GRK4: variants seen among roughly 807,000 people sequenced by gnomAD.
GRK4 encodes the protein G protein-coupled receptor kinase 4, also known as G protein-coupled receptor kinase 2-like.
A neutral mutation model predicts 77.9 loss-of-function variants in GRK4; 73 were observed. The observed-to-expected ratio is 0.94, with a 90% CI of 0.78 to 1.14. GRK4 has a LOEUF of 1.14. GRK4 is among the 50% of genes most tolerant of loss of function. The pLI, the probability that GRK4 is intolerant of heterozygous loss-of-function variation, is 0.00. For missense variants in GRK4, 729 were observed against 700.2 expected (o/e 1.04, Z -0.46); for synonymous variants, 257 against 254.4 (o/e 1.01, Z -0.10).
At chr4:2,964,475 C>A (rs1276850493) in intron 1 of GRK4, among the ~76,000 whole-genome samples, 1 of 152,130 alleles carries the variant, frequency 6.6e-6, no homozygotes, top group Non-Finnish European at 1.5e-5. Flanking sequence ...TGTTGGACAA[C>A]CTGTCCCACC....
At chr4:3,030,100 C>T (rs1407419200) in intron 12 of GRK4, among the ~76,000 whole-genome samples, 2 of 152,178 alleles carry the variant, frequency 1.3e-5, no homozygotes, top group Non-Finnish European at 2.9e-5. Flanking sequence ...AAGGGTTTAG[C>T]CACCTGCCAG....
At chr4:3,033,727 C>T (rs183923585) in intron 12 of GRK4, among the ~76,000 whole-genome samples, 43 of 152,262 alleles carry the variant, frequency 2.8e-4, no homozygotes, top group African/African-American at 1.0e-3. Context: ...GCTGGGACTA[C>T]AGGCATCTGC....
chr4:3,002,709 A>C (rs1197672539), intron 4 of GRK4, among the ~76,000 whole-genome samples: 1 of 152,096 alleles, frequency 6.6e-6, no homozygotes, highest in Non-Finnish European at 1.5e-5. Flanking sequence ...TCTCAAAAAA[A>C]CTAGCCAGGT....
chr4:2,976,792 A>G (rs540059882), intron 1 of GRK4, among the ~76,000 whole-genome samples: 1 of 152,164 alleles, frequency 6.6e-6, no homozygotes, highest in East Asian at 1.9e-4. Flanking sequence ...GGCACATGCC[A>G]CCACGTCCGG....
intron 4 of GRK4, among the ~76,000 whole-genome samples, chr4:3,003,436 A>G (rs1730418743): frequency 6.6e-6 from 1 of 151,938 alleles, no homozygotes; most frequent in Non-Finnish European, 1.5e-5. Flanking sequence ...ACTGATCCAC[A>G]TAACTCTGCC....
chr4:3,008,958 A>G (rs1310385483), intron 6 of GRK4, among the ~76,000 whole-genome samples: 1 of 152,196 alleles, frequency 6.6e-6, no homozygotes, highest in East Asian at 1.9e-4. Context: ...GGCACAACGT[A>G]TATACGTCAT....
chr4:3,012,381 T>C (rs1295427211), intron 7 of GRK4, among the ~76,000 whole-genome samples: 1 of 152,206 alleles, frequency 6.6e-6, no homozygotes, highest in African/African-American at 2.4e-5. Flanking sequence ...GAACAGGGTA[T>C]GTATTCTTGC....
At chr4:2,996,290 C>T (rs905388490) in intron 4 of GRK4, among the ~76,000 whole-genome samples, 1 of 152,168 alleles carries the variant, frequency 6.6e-6, no homozygotes, top group Non-Finnish European at 1.5e-5. Flanking sequence ...CGCGGTGGCT[C>T]ACGCCTGTAA....
At chr4:2,976,163 CTCAT>C (rs1721092923) in intron 1 of GRK4, among the ~76,000 whole-genome samples, 1 of 152,124 alleles carries the variant, frequency 6.6e-6, no homozygotes, top group Admixed American at 6.6e-5. Context: ...CATTGAAACA[CTCAT>C]TGTTTTCTTT....
chr4:2,976,986 G>A (rs1721405627), intron 1 of GRK4, among the ~76,000 whole-genome samples: 1 of 152,192 alleles, frequency 6.6e-6, no homozygotes, highest in South Asian at 2.1e-4. Context: ...GTTGGGGGCT[G>A]TCTTGAGGCA....
At chr4:2,991,412 C>G (rs1726125386) in intron 3 of GRK4, among the ~76,000 whole-genome samples, 1 of 152,236 alleles carries the variant, frequency 6.6e-6, no homozygotes, top group Non-Finnish European at 1.5e-5. Context: ...GGGCTCATAG[C>G]CTGCCCAGTT....
intron 12 of GRK4, among the ~76,000 whole-genome samples, chr4:3,033,808 A>G (rs1165863421): frequency 6.6e-6 from 1 of 152,098 alleles, no homozygotes; most frequent in Non-Finnish European, 1.5e-5. Context: ...GATGGTCTTG[A>G]TCTCCTGACC....
At position 3,035,427 on chromosome 4, in the gene GRK4, C is replaced by T. The variant is rs745985664; in HGVS notation, c.1311C>T (p.Gly437=). The T allele has an allele frequency of 1.3e-5, 21 of 1,613,626 alleles. No homozygotes were observed. The highest frequency in any genetic ancestry group is 8.8e-5 in the South Asian group (8 of 91,074). ...KNPSKRLGCR[G]EGAAGVKQHP... ...CAAGCAAGCGGCTGGGCTGCAGGGG[C>T]GAGGGAGCGGCTGGGGTGAAGCAGC... Residue 437 remains glycine, a synonymous_variant, in exon 13 of 16, where the codon GGC becomes GGT. Coordinates refer to ENST00000398052, the MANE Select transcript of GRK4 (RefSeq NM_182982.3).
At chr4:3,014,569 G>A (rs982254723) in intron 8 of GRK4, among the ~76,000 whole-genome samples, 4 of 151,992 alleles carry the variant, frequency 2.6e-5, no homozygotes, top group African/African-American at 9.7e-5. Context: ...CAAGGAGGGT[G>A]GATCACCTGA....
At chr4:2,976,810 T>G (rs1004865328) in intron 1 of GRK4, among the ~76,000 whole-genome samples, 1 of 152,144 alleles carries the variant, frequency 6.6e-6, no homozygotes, top group Non-Finnish European at 1.5e-5. Flanking sequence ...CGGCTAATTT[T>G]GTATTTTTAG....
intron 12 of GRK4, among the ~76,000 whole-genome samples, chr4:3,034,307 T>TA (rs1739992101): frequency 6.6e-6 from 1 of 152,174 alleles, no homozygotes; most frequent in Non-Finnish European, 1.5e-5. Context: ...TTCTGGTCTT[T>TA]GGGACTTTGA....
chr4:2,985,132 GC>G (rs141095402), intron 2 of GRK4, among the ~76,000 whole-genome samples: 1 of 152,200 alleles, frequency 6.6e-6, no homozygotes, highest in Non-Finnish European at 1.5e-5. Context: ...ATTGAGCCAG[GC>G]CGGGCGCAGT....
chr4:2,998,581 A>T (rs1728644157), intron 4 of GRK4, among the ~76,000 whole-genome samples: 1 of 152,132 alleles, frequency 6.6e-6, no homozygotes, highest in African/African-American at 2.4e-5. Flanking sequence ...AAATCCAAAA[A>T]AAAAGAAATT....
chr4:3,039,646 C>T (rs376902685), intron 15 of GRK4, among the ~76,000 whole-genome samples: 34 of 144,134 alleles, frequency 2.4e-4, no homozygotes, highest in Admixed American at 5.3e-4. Flanking sequence ...TACAGGGAGC[C>T]GAGACTGCAC....
Sources: gnomAD v4.1 joint callset for allele counts (sites outside exome capture counted in the v4.1 genomes callset) on GRCh38, gnomAD v4.1.1 for gene constraint, MANE v1.5 for transcripts, NCBI Gene and HGNC (gene_info 2026-07-23, HGNC 2026-07-21) for gene names.